SPON1: variants seen among roughly 807,000 people sequenced by gnomAD.
SPON1 encodes the protein spondin 1.
A neutral mutation model predicts 111.7 loss-of-function variants in SPON1; 52 were observed. That is an observed-to-expected ratio of 0.47 (90% CI 0.37 to 0.59). SPON1 has a LOEUF of 0.59. SPON1 is among the 20% of genes least tolerant of loss of function. The probability of loss-of-function intolerance (pLI) is 0.00; values close to 1 mark genes in which losing one functional copy is unlikely to be tolerated. For missense variants in SPON1, 957 were observed against 1,068.5 expected, an observed-to-expected ratio of 0.90 and a Z score of 1.46; for synonymous variants, 410 against 395.8, an observed-to-expected ratio of 1.04 and a Z score of -0.43.
chr11:14,234,718 T>A (rs1848843098), intron 6 of SPON1, among the ~76,000 whole-genome samples: 1 of 152,182 alleles, frequency 6.6e-6, no homozygotes, highest in Non-Finnish European at 1.5e-5. Flanking sequence ...GCTTCAGAAA[T>A]GCCAAGCTGC....
intron 2 of SPON1, among the ~76,000 whole-genome samples, chr11:14,005,388 T>G (rs1056526131): frequency 5.6e-4 from 86 of 152,284 alleles, no homozygotes; most frequent in African/African-American, 2.0e-3. Flanking sequence ...AATGATGCAC[T>G]CTCCAAACTC....
At chr11:13,965,989 TC>T (rs1848012923) in intron 1 of SPON1, among the ~76,000 whole-genome samples, 1 of 152,192 alleles carries the variant, frequency 6.6e-6, no homozygotes, top group African/African-American at 2.4e-5. Flanking sequence ...CCAAGCAGCT[TC>T]TGTTCTTTGT....
At chr11:14,014,699 T>A (rs1848432109) in intron 2 of SPON1, among the ~76,000 whole-genome samples, 1 of 152,238 alleles carries the variant, frequency 6.6e-6, no homozygotes, top group Non-Finnish European at 1.5e-5. Flanking sequence ...ACCTGCCATA[T>A]CTTCAACTGT....
chr11:13,981,405 C>A (rs1848143100), intron 1 of SPON1, among the ~76,000 whole-genome samples: 1 of 152,164 alleles, frequency 6.6e-6, no homozygotes, highest in African/African-American at 2.4e-5. Flanking sequence ...CGGCTTACTG[C>A]AAGCTCCACC....
Position 13,973,830 on chromosome 11 carries a change from A to G in SPON1, c.239-9017A>G, listed in dbSNP as rs138405216. On this transcript the variant is annotated intron_variant, in intron 1 of 15. Coordinates refer to ENST00000576479, the MANE Select transcript of SPON1 (RefSeq NM_006108.4). ...TAACTTGCCCAAAATTACACATAAT[A>G]AACAGGGAAATTTGAACCAAGTCTG... Among the ~76,000 whole-genome samples, 8 of 152,324 alleles carry G rather than the reference A, an allele frequency of 5.3e-5. No individual in the cohort carries two copies. In the East Asian group the frequency reaches 1.5e-3, roughly 29 times the overall value.
At chr11:14,212,220 A>G (rs1437895998) in intron 6 of SPON1, among the ~76,000 whole-genome samples, 1 of 152,054 alleles carries the variant, frequency 6.6e-6, no homozygotes, top group Non-Finnish European at 1.5e-5. Context: ...TGATGCAGTC[A>G]GCATAGCTTG....
intron 1 of SPON1, among the ~76,000 whole-genome samples, chr11:13,974,779 C>T (rs2133776464): frequency 6.6e-6 from 1 of 152,310 alleles, no homozygotes. Flanking sequence ...AGTACTGCCT[C>T]ATCCCCCCTC....
intron 14 of SPON1, 73 bp downstream of exon 14, chr11:14,260,825 C>A: frequency 6.8e-7 from 1 of 1,466,056 alleles, no homozygotes; most frequent in Non-Finnish European, 9.3e-7. Context: ...CCAGCCAGTG[C>A]TAATACTGCT....
intron 2 of SPON1, among the ~76,000 whole-genome samples, chr11:14,029,243 G>A (rs1554915730): frequency 6.6e-6 from 1 of 152,014 alleles, no homozygotes; most frequent in African/African-American, 2.4e-5. Context: ...CTGGTACCCT[G>A]GATACCAGTC....
chr11:13,973,901 T>C (rs778014426), intron 1 of SPON1, among the ~76,000 whole-genome samples: 3 of 152,200 alleles, frequency 2.0e-5, no homozygotes, highest in Admixed American at 2.0e-4. Flanking sequence ...AATTTAAGTA[T>C]GCATGATCTT....
At chr11:14,226,083 C>G (rs1303520701) in intron 6 of SPON1, among the ~76,000 whole-genome samples, 1 of 152,138 alleles carries the variant, frequency 6.6e-6, no homozygotes, top group East Asian at 1.9e-4. Context: ...AACATTTAAT[C>G]TTTACAACTC....
At chr11:13,999,594 T>TG (rs1403734788) in intron 2 of SPON1, among the ~76,000 whole-genome samples, 1 of 151,952 alleles carries the variant, frequency 6.6e-6, no homozygotes. Context: ...TTAGTAGAGA[T>TG]GGGGGTTTCG....
At chr11:14,062,712 T>G (rs1848800315) in intron 3 of SPON1, among the ~76,000 whole-genome samples, 2 of 152,248 alleles carry the variant, frequency 1.3e-5, no homozygotes, top group Non-Finnish European at 2.9e-5. Flanking sequence ...GGATAAGAAT[T>G]CTGCTAGTTG....
chr11:14,232,193 C>T (rs1381191724), intron 6 of SPON1, among the ~76,000 whole-genome samples: 1 of 152,070 alleles, frequency 6.6e-6, no homozygotes, highest in Non-Finnish European at 1.5e-5. Flanking sequence ...AACTCTCTCA[C>T]CCCATCCTGG....
intron 6 of SPON1, among the ~76,000 whole-genome samples, chr11:14,202,394 C>T (rs750742670): frequency 5.3e-5 from 8 of 152,188 alleles, no homozygotes; most frequent in African/African-American, 1.9e-4. Context: ...ACAAGGACCT[C>T]CCCATCATGT....
intron 6 of SPON1, among the ~76,000 whole-genome samples, chr11:14,160,944 T>TA (rs1373276095): frequency 1.9e-5 from 1 of 51,312 alleles, no homozygotes; most frequent in African/African-American, 7.1e-5. Context: ...TATATATATA[T>TA]TTATATATTT....
intron 5 of SPON1, among the ~76,000 whole-genome samples, chr11:14,105,223 A>G (rs1284686843): frequency 2.6e-5 from 4 of 152,022 alleles, no homozygotes; most frequent in Admixed American, 6.6e-5. Flanking sequence ...CAAAGCATCT[A>G]TTTCATGCAA....
chr11:14,098,284 G>A (rs188068256), intron 5 of SPON1, among the ~76,000 whole-genome samples: 1 of 152,108 alleles, frequency 6.6e-6, no homozygotes, highest in Admixed American at 6.5e-5. Context: ...GCGTGAGCCG[G>A]ATGTTGGATT....
chr11:14,244,474 C>T (rs181845932), intron 7 of SPON1, among the ~76,000 whole-genome samples: 1 of 150,856 alleles, frequency 6.6e-6, no homozygotes, highest in Admixed American at 6.6e-5. Context: ...GCTGAGATCG[C>T]ACCACTGCAC....
Sources: gnomAD v4.1 joint callset for allele counts (sites outside exome capture counted in the v4.1 genomes callset) on GRCh38, gnomAD v4.1.1 for gene constraint, MANE v1.5 for transcripts, NCBI Gene and HGNC (gene_info 2026-07-23, HGNC 2026-07-21) for gene names.